MSN: variants seen among roughly 807,000 people sequenced by gnomAD.
MSN encodes epididymis luminal protein 70.
A neutral mutation model predicts 48.0 loss-of-function variants in MSN; 2 were observed. The observed-to-expected ratio is 0.04, with a 90% CI of 0.02 to 0.13. The LOEUF is 0.13. Among genes scored for constraint, MSN ranks in the 10% least tolerant of loss-of-function variants. The pLI is 1.00. For missense variants in MSN, 267 were observed against 470.1 expected, an observed-to-expected ratio of 0.57 and a Z score of 3.99; for synonymous variants, 146 against 166.9, an observed-to-expected ratio of 0.87 and a Z score of 0.97.
At chrX:65,648,688 C>T (rs1009033071) in intron 1 of MSN, among the ~76,000 whole-genome samples, 3 of 110,531 alleles carry the variant, frequency 2.7e-5, no homozygotes, top group African/African-American at 6.6e-5. Flanking sequence ...CTGGCTAACA[C>T]GGTGAAACCC....
At chrX:65,665,775 G>T (rs763740562), upstream of MSN, among the ~76,000 whole-genome samples, 2 of 111,782 alleles carry the variant, frequency 1.8e-5, no homozygotes, top group Non-Finnish European at 3.8e-5. Flanking sequence ...AGCCCAGAGA[G>T]GGGGAGGGAA....
In MSN at chrX:65,738,962, C is replaced by T. The variant is rs187378833; in HGVS notation, c.1345-8C>T. On this transcript the variant is annotated splice_polypyrimidine_tract_variant and splice_region_variant and intron_variant, in intron 11 of 12. Transcript: ENST00000360270. The stretch of plus-strand genomic sequence containing the variant: ...TGACAGTCTTTCTCTCCTTCTGTCA[C>T]TGGACAGGCCCAGATGGTACAGGAA... 5.5e-4 allele frequency: 664 copies of T among 1,208,341 alleles called. 2 individuals are homozygous for T. In the East Asian group the frequency reaches 0.018, roughly 32 times the overall value.
intron 1 of MSN, among the ~76,000 whole-genome samples, chrX:65,689,042 G>A (rs1158000690): frequency 9.0e-6 from 1 of 111,664 alleles, no homozygotes; most frequent in Non-Finnish European, 1.9e-5. Context: ...AGAGGAAGAG[G>A]TATTGGAGAA....
At position 65,739,855 on chromosome X, in the gene MSN, A is replaced by G; in HGVS notation, c.1696A>G (p.Asn566Asp). 1 of 1,209,857 alleles carries G rather than the reference A, an allele frequency of 8.3e-7. No individual in the cohort carries two copies. The highest frequency in any genetic ancestry group is 1.1e-6 in the Non-Finnish European group (1 of 894,707). ...YKTLRQIRQG[N>D]TKQRIDEFES... ...GACCCTGCGCCAGATCCGGCAGGGCAACACCAAGCAGCGCATTGACGAATT... is the reference window on the plus strand; with the variant it reads ...GACCCTGCGCCAGATCCGGCAGGGCGACACCAAGCAGCGCATTGACGAATT... The change falls in exon 13 of 13, where the codon AAC (asparagine) becomes GAC (aspartate). Residue 566 changes from asparagine to aspartate, a missense_variant. By Grantham distance (23) the Asn-to-Asp change is conservative. Transcript: ENST00000360270.
chrX:65,593,792 C>T (rs963737372), intron 1 of MSN, among the ~76,000 whole-genome samples: 10 of 112,745 alleles, frequency 8.9e-5, no homozygotes, highest in Admixed American at 6.5e-4. Flanking sequence ...ATCCACCTGC[C>T]TCAGCCTCCC....
At chrX:65,704,221 C>T (rs972366381) in intron 1 of MSN, among the ~76,000 whole-genome samples, 2 of 112,215 alleles carry the variant, frequency 1.8e-5, no homozygotes, top group African/African-American at 3.2e-5. Flanking sequence ...GGTGTGGCCC[C>T]GGATAGGGGC....
chrX:65,637,884 G>A (rs773542583), intron 1 of MSN, among the ~76,000 whole-genome samples: 14 of 110,684 alleles, frequency 1.3e-4, no homozygotes, highest in African/African-American at 4.3e-4. Flanking sequence ...CATTTGCAAC[G>A]TCCTCCACAC....
chrX:65,706,952 C>T (rs377162915), intron 1 of MSN, among the ~76,000 whole-genome samples: 10 of 112,036 alleles, frequency 8.9e-5, no homozygotes, highest in African/African-American at 2.9e-4. Flanking sequence ...GCTTTTCTCT[C>T]TGACTCTTCC....
intron 1 of MSN, chrX:65,716,533 C>T (rs1057056756): frequency 5.4e-6 from 2 of 369,165 alleles, no homozygotes; most frequent in Non-Finnish European, 1.0e-5. Flanking sequence ...ACCTCGGCCT[C>T]CCAAAGTGCT....
rs563682841 is a variant in MSN at position 65,643,938 on chromosome X, T to A, written c.-22+55326T>A. Among the ~76,000 whole-genome samples, 5 of 111,957 alleles carry A rather than the reference T, an allele frequency of 4.5e-5. No individual in the cohort carries two copies. The South Asian group carries it at 1.9e-3, about 42-fold the overall frequency. ...TGCATTCCCAGCAAACTGGAAATGT[T>A]GGTCACCCTACACAGGGTGACTGCA... On this transcript the variant is annotated intron_variant, in intron 1 of 3. Transcript: ENST00000609672.
At chrX:65,715,323 T>A (rs2071452988) in intron 1 of MSN, among the ~76,000 whole-genome samples, 2 of 112,108 alleles carry the variant, frequency 1.8e-5, no homozygotes, top group Admixed American at 9.5e-5. Context: ...TGTTTCCATA[T>A]GAATTTTAAA....
At chrX:65,610,194 T>C (rs975033976) in intron 1 of MSN, among the ~76,000 whole-genome samples, 6 of 111,982 alleles carry the variant, frequency 5.4e-5, no homozygotes, top group Non-Finnish European at 1.1e-4. Flanking sequence ...TCACCACTTA[T>C]CTATTTCTGA....
intron 6 of MSN, among the ~76,000 whole-genome samples, chrX:65,732,287 T>C (rs769696263): frequency 4.4e-5 from 5 of 112,397 alleles, no homozygotes; most frequent in African/African-American, 1.6e-4. Flanking sequence ...GAAGACTTAG[T>C]GTGAAAAACA....
At chrX:65,658,450 C>T (rs1437796729) in intron 1 of MSN, among the ~76,000 whole-genome samples, 2 of 111,953 alleles carry the variant, frequency 1.8e-5, no homozygotes, top group Non-Finnish European at 3.8e-5. Context: ...CAAGAAAAAC[C>T]CAAGAGCAAA....
intron 1 of MSN, among the ~76,000 whole-genome samples, chrX:65,604,522 A>G (rs1023828766): frequency 2.7e-5 from 3 of 112,246 alleles, no homozygotes; most frequent in Admixed American, 1.9e-4. Flanking sequence ...AGTGGATTTC[A>G]GGTAGAATGA....
At chrX:65,623,895 A>G (rs1009601973) in intron 1 of MSN, among the ~76,000 whole-genome samples, 1 of 109,724 alleles carries the variant, frequency 9.1e-6, no homozygotes, top group Admixed American at 9.7e-5. Context: ...TTTCACTGCT[A>G]TTGCAATCTC....
At chrX:65,684,691 G>A (rs984211783) in intron 1 of MSN, among the ~76,000 whole-genome samples, 2 of 111,664 alleles carry the variant, frequency 1.8e-5, no homozygotes, top group South Asian at 3.7e-4. Context: ...ACCCGCCTCG[G>A]CCTCCCAAAG....
chrX:65,710,678 T>TATTC (rs2071404663), intron 1 of MSN, among the ~76,000 whole-genome samples: 1 of 111,420 alleles, frequency 9.0e-6, no homozygotes, highest in Non-Finnish European at 1.9e-5. Context: ...TTTTTTAAGG[T>TATTC]TTCTTAATAA....
chrX:65,686,064 T>C (rs1267461698), intron 1 of MSN, among the ~76,000 whole-genome samples: 4 of 112,919 alleles, frequency 3.5e-5, no homozygotes, highest in African/African-American at 1.3e-4. Context: ...AAGTGGAATT[T>C]TGCAGAGCAC....
Sources: allele counts gnomAD v4.1 joint callset (sites outside exome capture counted in the v4.1 genomes callset), GRCh38; gene constraint gnomAD v4.1.1; transcripts MANE v1.5; gene names NCBI Gene and HGNC (gene_info 2026-07-23, HGNC 2026-07-21).